FGD6: variants seen among roughly 807,000 people sequenced by gnomAD.
The protein encoded by FGD6 is FYVE, RhoGEF and PH domain-containing protein 6.
Under a neutral mutation model 149.4 loss-of-function variants are expected in FGD6, and 90 were observed. That is an observed-to-expected ratio of 0.60 (90% CI 0.51 to 0.72). The LOEUF (loss-of-function observed/expected upper bound fraction) is 0.72, where lower values mean the gene tolerates loss of function less well. FGD6 is among the 30% of genes least tolerant of loss of function. The probability of loss-of-function intolerance (pLI) is 0.00; values close to 1 mark genes in which losing one functional copy is unlikely to be tolerated. For synonymous variants in FGD6, 527 were observed against 584.0 expected (o/e 0.90, Z 1.41); for missense variants, 1,437 against 1,684.8 (o/e 0.85, Z 2.57).
chr12:95,101,269 C>T (rs1387183371), intron 14 of FGD6, among the ~76,000 whole-genome samples: 1 of 152,068 alleles, frequency 6.6e-6, no homozygotes, highest in Non-Finnish European at 1.5e-5. Context: ...ATTGCTCGAA[C>T]CCGGGAGGTG....
intron 2 of FGD6, among the ~76,000 whole-genome samples, chr12:95,203,338 A>T (rs2056672470): frequency 6.6e-6 from 1 of 152,212 alleles, no homozygotes; most frequent in South Asian, 2.1e-4. Flanking sequence ...GTTTCAAGGG[A>T]CAACAATCCA....
chr12:95,154,110 C>A (rs1880397784), intron 3 of FGD6, among the ~76,000 whole-genome samples: 1 of 152,066 alleles, frequency 6.6e-6, no homozygotes, highest in Admixed American at 6.6e-5. Context: ...CAGGTGCGTG[C>A]CATCACGCCT....
rs754250484 is a variant in FGD6 at position 95,209,136 on chromosome 12, A to C, written c.2148T>G (p.Gly716=). 14 of 1,614,158 alleles carry C rather than the reference A, an allele frequency of 8.7e-6. No homozygotes were observed. The highest frequency in any genetic ancestry group is 1.1e-5 in the Non-Finnish European group (13 of 1,180,024). Residue 716 remains glycine (G), a synonymous_variant, in exon 2 of 21, where the codon GGT becomes GGG. Transcript: ENST00000343958. ...GGTCATCCAAAGACTCAGCTCTCAG[A>C]CCATTAGCTGCACTGGTCTGGCCCC... ...KSRGQTSAAN[G]LRAESLDDQM...
chr12:95,148,714 CATATGTTATATT>C (rs1274057972), intron 5 of FGD6, among the ~76,000 whole-genome samples: 6,414 of 98,044 alleles, frequency 0.065, 1,798 homozygotes, highest in African/African-American at 0.12. Flanking sequence ...TAATACATAG[CATATGTTATATT>C]ACATATATTA....
chr12:95,160,346 G>T lies in FGD6; in HGVS notation c.2587-7353C>A, dbSNP rs371376789. 7.9e-5 allele frequency among the ~76,000 whole-genome samples: 12 copies of T among 152,064 alleles called. No individual in the cohort carries two copies. In the South Asian group the frequency reaches 1.2e-3, roughly 16 times the overall value. ...TGATATACTTCACACCCACACAATG[G>T]CTATAATAAAAAAACAAACAAACAG... is the stretch of plus-strand genomic sequence containing the variant. On this transcript the variant is annotated intron_variant, in intron 3 of 20. Coordinates refer to ENST00000343958, the MANE Select transcript of FGD6 (RefSeq NM_018351.4).
intron 17 of FGD6, among the ~76,000 whole-genome samples, chr12:95,090,474 C>T (rs957186414): frequency 3.3e-5 from 5 of 152,166 alleles, no homozygotes; most frequent in Middle Eastern, 6.8e-3. Context: ...TGAGAGATAA[C>T]GAAGGCCTTA....
intron 5 of FGD6, among the ~76,000 whole-genome samples, chr12:95,151,700 T>A (rs1356045303): frequency 1.3e-5 from 2 of 152,228 alleles, no homozygotes; most frequent in Non-Finnish European, 2.9e-5. Context: ...ATAATGATAC[T>A]GTTTGCCAAG....
intron 20 of FGD6, 132 bp from the exon 21 acceptor site, chr12:95,081,688 T>A (rs1255932221): frequency 3.1e-6 from 1 of 317,602 alleles, no homozygotes. Context: ...TATATGTATT[T>A]TTTTTTTTTT....
intron 8 of FGD6, among the ~76,000 whole-genome samples, chr12:95,124,528 A>G (rs1280149471): frequency 6.6e-6 from 1 of 152,194 alleles, no homozygotes; most frequent in African/African-American, 2.4e-5. Flanking sequence ...AAACTGTGAG[A>G]GCAACTTTAG....
At chr12:95,134,973 T>C in intron 7 of FGD6, 147 bp from the exon 8 acceptor site, 6 of 623,654 alleles carry the variant, frequency 9.6e-6, no homozygotes, top group Non-Finnish European at 1.4e-5. Context: ...AAGGTACAGC[T>C]GTTAGATACA....
chr12:95,157,566 CAAA>C (rs71078615), intron 3 of FGD6, among the ~76,000 whole-genome samples: 1 of 113,302 alleles, frequency 8.8e-6, no homozygotes. Context: ...AACTCTGTCT[CAAA>C]AAAAAAAAAA....
intron 2 of FGD6, among the ~76,000 whole-genome samples, chr12:95,205,135 G>A (rs971004283): frequency 2.0e-5 from 3 of 152,048 alleles, no homozygotes; most frequent in Non-Finnish European, 4.4e-5. Context: ...GGGTGTGGTG[G>A]CACATGCCTG....
intron 20 of FGD6, 72 bp from the exon 21 acceptor site, chr12:95,081,628 G>T: frequency 1.0e-6 from 1 of 1,001,530 alleles, no homozygotes; most frequent in Admixed American, 2.0e-5. Flanking sequence ...ATAGATGACA[G>T]CTGGGCCTGT....
At position 95,211,160 on chromosome 12, in the gene FGD6, G is replaced by C; in HGVS notation, c.124C>G (p.Pro42Ala). 6.2e-7 allele frequency: 1 copy of C among 1,614,136 alleles called. No homozygotes were observed. The highest frequency in any genetic ancestry group is 8.5e-7 in the Non-Finnish European group (1 of 1,180,026). ...GGTTTCATTTTCTTTGTCGACTGTGGAACACTAGAAATCACAATGTCGGGT... is the reference window on the plus strand; with the variant it reads ...GGTTTCATTTTCTTTGTCGACTGTGCAACACTAGAAATCACAATGTCGGGT... ...PKPDIVISSV[P>A]QSTKKMKPAI... Residue 42 changes from proline to alanine, a missense_variant, in exon 2 of 21, where the codon CCA becomes GCA. Pro to Ala is a conservative substitution (Grantham distance 27, BLOSUM62 -1). Transcript: ENST00000343958.
Position 95,092,801 on chromosome 12 carries a change from C to T in FGD6, c.3645G>A (p.Lys1215=). 6.2e-7 allele frequency: 1 copy of T among 1,614,054 alleles called. No individual in the cohort carries two copies. The highest frequency in any genetic ancestry group is 8.5e-7 in the Non-Finnish European group (1 of 1,179,994). Reference sequence around the variant, plus strand: ...TGGTATCAGGAATCCAGATGGGAGCCTTCGATCCAAGAGGACTAACTTCTT... The same window carrying T: ...TGGTATCAGGAATCCAGATGGGAGCTTTCGATCCAAGAGGACTAACTTCTT... The part of the protein sequence containing the change: ...NKEEVSPLGS[K]APIWIPDTRA... Residue 1215 remains lysine, a synonymous_variant, in exon 16 of 21, where the codon AAG becomes AAA. Coordinates refer to ENST00000343958, the MANE Select transcript of FGD6 (RefSeq NM_018351.4).
At chr12:95,130,824 C>T (rs1031289063) in intron 8 of FGD6, among the ~76,000 whole-genome samples, 2 of 151,922 alleles carry the variant, frequency 1.3e-5, no homozygotes, top group Non-Finnish European at 2.9e-5. Flanking sequence ...AAAATGAGTA[C>T]TGGAAAATCA....
chr12:95,092,087 G>A (rs774887654), intron 16 of FGD6, among the ~76,000 whole-genome samples: 1 of 152,178 alleles, frequency 6.6e-6, no homozygotes, highest in Non-Finnish European at 1.5e-5. Flanking sequence ...AAAATGCTTA[G>A]AACCGTACCT....
chr12:95,202,129 C>T (rs2056667136), intron 2 of FGD6, among the ~76,000 whole-genome samples: 1 of 151,898 alleles, frequency 6.6e-6, no homozygotes, highest in Admixed American at 6.6e-5. Context: ...GTGAGTCATG[C>T]CTGTAATCCC....
chr12:95,158,592 T>TAC (rs374955266), intron 3 of FGD6, among the ~76,000 whole-genome samples: 24 of 151,424 alleles, frequency 1.6e-4, no homozygotes, highest in South Asian at 1.5e-3. Flanking sequence ...TACACACACA[T>TAC]ACACACACAC....
Sources: gnomAD v4.1 joint callset for allele counts (sites outside exome capture counted in the v4.1 genomes callset) on GRCh38, gnomAD v4.1.1 for gene constraint, MANE v1.5 for transcripts, NCBI Gene and HGNC (gene_info 2026-07-23, HGNC 2026-07-21) for gene names.